The following IGBP1 variants were observed in gnomAD, a reference collection of about 807,000 sequenced individuals.
The protein encoded by IGBP1 is immunoglobulin binding protein 1.
A neutral mutation model predicts 25.9 loss-of-function variants in IGBP1; 2 were observed. The ratio of observed to expected loss-of-function variants is 0.08; its 90% CI spans 0.03 to 0.24. The LOEUF (loss-of-function observed/expected upper bound fraction) is 0.24. IGBP1 is among the 10% of genes least tolerant of loss of function. The pLI, the probability that IGBP1 is intolerant of heterozygous loss-of-function variation, is 1.00. For missense variants in IGBP1, 187 were observed against 260.4 expected, an observed-to-expected ratio of 0.72 and a Z score of 1.94; for synonymous variants, 96 against 93.4, an observed-to-expected ratio of 1.03 and a Z score of -0.16.
chrX:70,148,772 T>G lies in IGBP1; in HGVS notation c.690T>G (p.Ser230=). ...ERDSSREAST[S]NSSRQERPPV... is the part of the protein sequence containing the mutation. ...AATTTCCTTCTTAGGCATCAACTTC[T>G]AACTCATCTCGCCAGGAGAGGCCTC... Residue 230 remains serine, a synonymous_variant, in exon 5 of 7, where the codon TCT becomes TCG. Coordinates refer to ENST00000356413, the MANE Select transcript of IGBP1 (RefSeq NM_001551.3). The G allele has an allele frequency of 8.3e-7, 1 of 1,200,840 alleles. No individual in the cohort carries two copies. Among genetic ancestry groups the G allele is most frequent in the African/African-American group, 1.7e-5 (1 of 57,780 alleles).
intron 3 of IGBP1, among the ~76,000 whole-genome samples, chrX:70,136,725 A>T (rs182123096): frequency 9.9e-6 from 1 of 101,145 alleles, no homozygotes; most frequent in African/African-American, 4.3e-5. Flanking sequence ...TATTATTATT[A>T]TTATACAGAG....
intron 3 of IGBP1, among the ~76,000 whole-genome samples, chrX:70,136,624 A>G (rs766824725): frequency 9.0e-6 from 1 of 110,907 alleles, no homozygotes; most frequent in Non-Finnish European, 1.9e-5. Context: ...GTCAGCTGCT[A>G]TTAGGTAGGA....
At chrX:70,133,613 C>T in intron 1 of IGBP1, 73 bp downstream of exon 1, 1 of 405,720 alleles carries the variant, frequency 2.5e-6, no homozygotes, top group East Asian at 4.0e-5. Flanking sequence ...AATTCAGCCT[C>T]GCCTCACCCG....
At chrX:70,144,795 A>C (rs1335879698) in intron 3 of IGBP1, among the ~76,000 whole-genome samples, 1 of 105,057 alleles carries the variant, frequency 9.5e-6, no homozygotes, top group Non-Finnish European at 1.9e-5. Context: ...GAGTAGCTGG[A>C]ATTACAGGCG....
intron 6 of IGBP1, among the ~76,000 whole-genome samples, chrX:70,162,979 AAAT>A (rs768142220): frequency 3.5e-4 from 39 of 110,881 alleles, no homozygotes; most frequent in Non-Finnish European, 7.4e-4. Context: ...TTTGTCTCAA[AAAT>A]AATAATAATA....
chrX:70,157,676 T>C (rs1401682368), intron 6 of IGBP1, among the ~76,000 whole-genome samples: 1 of 112,495 alleles, frequency 8.9e-6, no homozygotes, highest in Non-Finnish European at 1.9e-5. Context: ...GTATATACTG[T>C]ATGATTCCAT....
At position 70,147,659 on chromosome X, in the gene IGBP1, T is replaced by C. The variant is rs1276110109; in HGVS notation, c.678+831T>C. ...AGCAAGGGCATTTCCATGCACAGAA[T>C]GTCCAGTAAACTGGTAAAGAAACCT... is the stretch of plus-strand genomic sequence containing the variant. On this transcript the variant is annotated intron_variant, in intron 4 of 6. Transcript: ENST00000356413. 1.6e-4 allele frequency among the ~76,000 whole-genome samples: 18 copies of C among 112,151 alleles called. No individual in the cohort carries two copies. The Admixed American group carries it at 1.7e-3, about 11-fold the overall frequency.
intron 3 of IGBP1, among the ~76,000 whole-genome samples, chrX:70,140,364 TG>T (rs2085122227): frequency 8.9e-6 from 1 of 112,031 alleles, no homozygotes; most frequent in Non-Finnish European, 1.9e-5. Context: ...CATAATAGTC[TG>T]GTTTGGCAGA....
chrX:70,146,264 G>T (rs1226318554), intron 3 of IGBP1, among the ~76,000 whole-genome samples: 1 of 110,742 alleles, frequency 9.0e-6, no homozygotes, highest in Non-Finnish European at 1.9e-5. Flanking sequence ...TTTTTTGAAG[G>T]TGTAGTTCCC....
chrX:70,154,167 C>T (rs1053395403), intron 6 of IGBP1, among the ~76,000 whole-genome samples: 7 of 107,617 alleles, frequency 6.5e-5, no homozygotes, highest in Non-Finnish European at 1.3e-4. Context: ...ACGCCATTCA[C>T]GCCATTCTCC....
intron 4 of IGBP1, 61 bp from the exon 5 acceptor site, chrX:70,148,700 G>T: frequency 1.3e-6 from 1 of 765,030 alleles, no homozygotes; most frequent in Non-Finnish European, 2.0e-6. Context: ...AGACTTAAGA[G>T]CCCGTATGGT....
chrX:70,136,698 T>TTTATTATTA (rs58340348), intron 3 of IGBP1, among the ~76,000 whole-genome samples: 8,422 of 97,923 alleles, frequency 0.086, 339 homozygotes, highest in African/African-American at 0.13. Flanking sequence ...TTCTTTTTTC[T>TTTATTATTA]TTATTATTAT....
At chrX:70,137,025 A>G in intron 3 of IGBP1, among the ~76,000 whole-genome samples, 1 of 111,595 alleles carries the variant, frequency 9.0e-6, no homozygotes. Flanking sequence ...TTCAAATAGT[A>G]GCATGATCAC....
At chrX:70,139,049 G>A (rs1374509129) in intron 3 of IGBP1, among the ~76,000 whole-genome samples, 1 of 111,794 alleles carries the variant, frequency 8.9e-6, no homozygotes, top group Non-Finnish European at 1.9e-5. Flanking sequence ...TTGGGTGGCC[G>A]GGTGCGGTGG....
Position 70,150,264 on chromosome X carries a change from T to C in IGBP1, c.813T>C (p.Tyr271=). Residue 271 remains tyrosine, a synonymous_variant, in exon 6 of 7, where the codon TAT becomes TAC. Transcript: ENST00000356413. ...SLPTMTVSDW[Y]EQHRKYGALP... ...CAACTATGACGGTGAGTGACTGGTA[T>C]GAGCAACATCGGAAATATGGAGCAT... is the stretch of plus-strand genomic sequence containing the variant. 8.3e-7 allele frequency: 1 copy of C among 1,207,623 alleles called. No homozygotes were observed. The highest frequency in any genetic ancestry group is 1.1e-6 in the Non-Finnish European group (1 of 891,738).
intron 6 of IGBP1, among the ~76,000 whole-genome samples, chrX:70,159,770 C>G (rs1281016334): frequency 9.0e-6 from 1 of 111,171 alleles, no homozygotes; most frequent in Non-Finnish European, 1.9e-5. Context: ...AGTGGCAATT[C>G]AGGCACCAGG....
intron 3 of IGBP1, among the ~76,000 whole-genome samples, chrX:70,145,903 C>A (rs2085163352): frequency 8.9e-6 from 1 of 112,260 alleles, no homozygotes; most frequent in South Asian, 3.6e-4. Flanking sequence ...ACTTTTTGCT[C>A]TTTCATAGCA....
At chrX:70,143,873 A>C (rs770208704) in intron 3 of IGBP1, among the ~76,000 whole-genome samples, 1 of 112,658 alleles carries the variant, frequency 8.9e-6, no homozygotes, top group Non-Finnish European at 1.9e-5. Context: ...GCCCAAATGA[A>C]CAAGTGTTGA....
At chrX:70,155,016 T>G (rs1430260885) in intron 6 of IGBP1, among the ~76,000 whole-genome samples, 1 of 111,552 alleles carries the variant, frequency 9.0e-6, no homozygotes, top group Admixed American at 9.5e-5. Flanking sequence ...ATCATGTCAT[T>G]AGGGCAATGC....
Sources: allele counts gnomAD v4.1 joint callset (sites outside exome capture counted in the v4.1 genomes callset), GRCh38; gene constraint gnomAD v4.1.1; transcripts MANE v1.5; gene names NCBI Gene and HGNC (gene_info 2026-07-23, HGNC 2026-07-21).